Variants in ADCY8 observed in about 807,000 individuals in gnomAD.
ADCY8 encodes the protein adenylate cyclase 8.
Under a neutral mutation model 119.7 loss-of-function variants are expected in ADCY8, and 51 were observed. The ratio of observed to expected loss-of-function variants is 0.43; its 90% confidence interval spans 0.34 to 0.54. ADCY8 has a LOEUF of 0.54. Ranked by LOEUF, ADCY8 falls within the 20% of genes least tolerant of loss-of-function variation. ADCY8 has a pLI of 0.03. For missense variants in ADCY8, 1,383 were observed against 1,598.8 expected (o/e 0.87, Z 2.30); for synonymous variants, 665 against 651.0 (o/e 1.02, Z -0.33).
Position 130,920,431 on chromosome 8 carries a change from G to C in ADCY8, c.1482-10565C>G, listed in dbSNP as rs143893614. On this transcript the variant is annotated intron_variant, in intron 5 of 17. Coordinates refer to ENST00000286355, the MANE Select transcript of ADCY8 (RefSeq NM_001115.3). Reference sequence around the variant, plus strand: ...GGGCTCCTGGTATTTCAAAGGGAAAGACAGCTGTGGTCACACTAGACTCCC... The same window carrying C: ...GGGCTCCTGGTATTTCAAAGGGAAACACAGCTGTGGTCACACTAGACTCCC... Among the ~76,000 whole-genome samples the C allele has an allele frequency of 8.7e-4, 133 of 152,336 alleles. 4 individuals carry two copies. The highest frequency in any genetic ancestry group is 3.1e-3 in the African/African-American group (130 of 41,582).
chr8:130,804,909 G>A (rs189573946), intron 14 of ADCY8, among the ~76,000 whole-genome samples: 1 of 152,100 alleles, frequency 6.6e-6, no homozygotes, highest in South Asian at 2.1e-4. Context: ...ATCATACCAG[G>A]CTAATTTTTG....
chr8:130,898,679 T>C (rs1237856580), intron 7 of ADCY8, among the ~76,000 whole-genome samples: 1 of 152,212 alleles, frequency 6.6e-6, no homozygotes, highest in African/African-American at 2.4e-5. Flanking sequence ...TTCCAGGCTC[T>C]GAAAAGGGGC....
At chr8:130,813,783 A>G (rs1392535822) in intron 14 of ADCY8, among the ~76,000 whole-genome samples, 1 of 152,190 alleles carries the variant, frequency 6.6e-6, no homozygotes, top group Non-Finnish European at 1.5e-5. Flanking sequence ...ACATACGTAC[A>G]TACACATACA....
intron 1 of ADCY8, among the ~76,000 whole-genome samples, chr8:131,002,664 G>T (rs1387564474): frequency 6.7e-6 from 1 of 148,220 alleles, no homozygotes; most frequent in Non-Finnish European, 1.5e-5. Context: ...CTAAGAAAAG[G>T]TAAAAAAAAA....
chr8:130,800,480 G>T lies in ADCY8; in HGVS notation c.3006C>A (p.Asn1002Lys), dbSNP rs1433059669. Reference protein sequence around the residue: ...ADFYSQTEMNNQGVECLRLLN... With the variant: ...ADFYSQTEMNKQGVECLRLLN... ...GCAAGCGCAGGCATTCCACTCCCTGGTTATTCATTTCAGTCTGAGAGTAAA... is the reference window on the plus strand; with the variant it reads ...GCAAGCGCAGGCATTCCACTCCCTGTTTATTCATTTCAGTCTGAGAGTAAA... Residue 1002 changes from asparagine to lysine, a missense_variant, in exon 15 of 18, where the codon AAC (asparagine) becomes AAA (lysine). Coordinates refer to ENST00000286355, the MANE Select transcript of ADCY8 (RefSeq NM_001115.3). 3 of 1,614,058 alleles carry T rather than the reference G, an allele frequency of 1.9e-6. No homozygotes were observed. The highest frequency in any genetic ancestry group is 2.2e-5 in the South Asian group (2 of 91,086).
chr8:130,811,516 T>A, intron 14 of ADCY8, among the ~76,000 whole-genome samples: 1 of 152,194 alleles, frequency 6.6e-6, no homozygotes, highest in Admixed American at 6.5e-5. Flanking sequence ...GTCCTAAGGG[T>A]TTTTCATTTC....
At chr8:130,789,413 G>A (rs563814354) in intron 15 of ADCY8, among the ~76,000 whole-genome samples, 7 of 152,198 alleles carry the variant, frequency 4.6e-5, no homozygotes, top group Middle Eastern at 3.4e-3. Context: ...AATGATTGGT[G>A]TTTGCCATAC....
rs1300517323 is a variant in ADCY8 at position 130,839,818 on chromosome 8, T to C, written c.2503-3369A>G. On this transcript the variant is annotated intron_variant, in intron 11 of 17. Coordinates refer to ENST00000286355, the MANE Select transcript of ADCY8 (RefSeq NM_001115.3). ...AACCACACTGTAAAAAATCCTCTAG[T>C]ATGGAAATCTGTACTTTATTCTGCA... 7.1e-5 allele frequency among the ~76,000 whole-genome samples: 10 copies of C among 140,018 alleles called. 3 individuals are homozygous for C. In the East Asian group the frequency reaches 2.2e-3, roughly 31 times the overall value. The allele number at this position is 140,018 out of a possible 152,430, so 91.9% of individuals were successfully genotyped here. A position where few individuals can be genotyped will look rare whatever the true frequency, so the allele number is the denominator to read the frequency against.
chr8:131,006,150 G>C (rs1823111753), intron 1 of ADCY8, among the ~76,000 whole-genome samples: 1 of 152,078 alleles, frequency 6.6e-6, no homozygotes, highest in Non-Finnish European at 1.5e-5. Flanking sequence ...CTTTTAGGCT[G>C]TCCCCCTCTC....
At chr8:130,852,783 C>T (rs1817578548) in intron 9 of ADCY8, among the ~76,000 whole-genome samples, 1 of 152,032 alleles carries the variant, frequency 6.6e-6, no homozygotes, top group African/African-American at 2.4e-5. Context: ...CAATGCTGAA[C>T]TATGTGCAGT....
At chr8:130,823,466 T>C (rs1448926599) in intron 12 of ADCY8, among the ~76,000 whole-genome samples, 1 of 152,170 alleles carries the variant, frequency 6.6e-6, no homozygotes, top group Non-Finnish European at 1.5e-5. Flanking sequence ...TTGCTTAATA[T>C]TGGTTGCCAG....
chr8:130,952,068 G>A (rs1821291838), intron 2 of ADCY8, 70 bp from the exon 3 acceptor site: 1 of 1,578,254 alleles, frequency 6.3e-7, no homozygotes, highest in South Asian at 1.1e-5. Flanking sequence ...GTGGAGGGTG[G>A]AGAAGTCATG....
At chr8:130,965,437 TA>T (rs1183307967) in intron 2 of ADCY8, among the ~76,000 whole-genome samples, 4 of 152,170 alleles carry the variant, frequency 2.6e-5, no homozygotes, top group African/African-American at 9.7e-5. Flanking sequence ...CATCACATGA[TA>T]TACCAATGCA....
At chr8:130,829,921 C>G (rs1045455156) in intron 12 of ADCY8, among the ~76,000 whole-genome samples, 1 of 152,200 alleles carries the variant, frequency 6.6e-6, no homozygotes, top group Non-Finnish European at 1.5e-5. Flanking sequence ...GTGCTGTAGA[C>G]AGAACCATGC....
intron 2 of ADCY8, among the ~76,000 whole-genome samples, chr8:130,985,103 C>T (rs1462461514): frequency 6.6e-6 from 1 of 152,018 alleles, no homozygotes; most frequent in African/African-American, 2.4e-5. Flanking sequence ...AATCAAGTTC[C>T]CCCTAGTAAA....
intron 8 of ADCY8, among the ~76,000 whole-genome samples, chr8:130,877,933 T>C (rs1818628391): frequency 1.3e-5 from 2 of 152,194 alleles, no homozygotes; most frequent in South Asian, 2.1e-4. Context: ...CGCATTAAGA[T>C]TGGCCCATAT....
At chr8:130,811,202 T>C (rs1816155122) in intron 14 of ADCY8, among the ~76,000 whole-genome samples, 1 of 152,184 alleles carries the variant, frequency 6.6e-6, no homozygotes. Context: ...TACATCAAGA[T>C]CTGATTATTC....
chr8:130,830,086 G>A (rs1816785093), intron 12 of ADCY8, among the ~76,000 whole-genome samples: 1 of 152,194 alleles, frequency 6.6e-6, no homozygotes, highest in South Asian at 2.1e-4. Context: ...CCAGAGGGAG[G>A]AACGATACAG....
chr8:130,846,449 CAGTTA>C (rs1817298465), intron 11 of ADCY8, among the ~76,000 whole-genome samples: 1 of 152,088 alleles, frequency 6.6e-6, no homozygotes, highest in South Asian at 2.1e-4. Flanking sequence ...CTCTTTGTAT[CAGTTA>C]AGTTTAGTTC....
Sources: allele counts gnomAD v4.1 joint callset (sites outside exome capture counted in the v4.1 genomes callset), GRCh38; gene constraint gnomAD v4.1.1; transcripts MANE v1.5; gene names NCBI Gene and HGNC (gene_info 2026-07-23, HGNC 2026-07-21).